Variants in ADGRL2 observed in about 807,000 individuals in gnomAD.
The protein encoded by ADGRL2 is adhesion G protein-coupled receptor L2.
Under a neutral mutation model 157.4 loss-of-function variants are expected in ADGRL2, and 44 were observed. The ratio of observed to expected loss-of-function variants is 0.28; its 90% CI spans 0.22 to 0.36. The LOEUF is 0.36. Ranked by LOEUF, ADGRL2 falls within the 10% of genes least tolerant of loss-of-function variation. ADGRL2 has a pLI of 1.00. For synonymous variants in ADGRL2, 585 were observed against 624.7 expected, an observed-to-expected ratio of 0.94 and a Z score of 0.95; for missense variants, 1,510 against 1,768.9, an observed-to-expected ratio of 0.85 and a Z score of 2.63.
chr1:81,397,045 A>G (rs978553493), intron 1 of ADGRL2, among the ~76,000 whole-genome samples: 4 of 152,202 alleles, frequency 2.6e-5, no homozygotes, highest in Non-Finnish European at 1.5e-5. Context: ...GTTTAAGAAC[A>G]ATTGGTATTC....
At chr1:81,329,641 A>G (rs1661138935) in intron 1 of ADGRL2, among the ~76,000 whole-genome samples, 2 of 152,162 alleles carry the variant, frequency 1.3e-5, no homozygotes, top group Non-Finnish European at 2.9e-5. Flanking sequence ...AGAAAGCTCT[A>G]AATATAAAGT....
chr1:81,820,504 G>A (rs1035732841), intron 1 of ADGRL2, among the ~76,000 whole-genome samples: 2 of 151,840 alleles, frequency 1.3e-5, no homozygotes, highest in East Asian at 1.9e-4. Flanking sequence ...TATTTAAGTG[G>A]CCCTTTTGGT....
chr1:81,502,712 T>A, intron 2 of ADGRL2: 2 of 1,613,524 alleles, frequency 1.2e-6, no homozygotes, highest in Non-Finnish European at 1.7e-6. Context: ...AAGAAAGCCT[T>A]GAGTTCCCCA....
intron 2 of ADGRL2, among the ~76,000 whole-genome samples, chr1:81,458,638 A>C (rs1232798328): frequency 1.3e-5 from 2 of 152,180 alleles, no homozygotes; most frequent in Admixed American, 6.5e-5. Context: ...TCCTCAGCCC[A>C]TGGCTGAACA....
intron 2 of ADGRL2, among the ~76,000 whole-genome samples, chr1:81,534,932 A>G (rs560833452): frequency 6.6e-6 from 1 of 152,288 alleles, no homozygotes; most frequent in African/African-American, 2.4e-5. Flanking sequence ...GAATATTGTG[A>G]TTTTTATTTC....
intron 3 of ADGRL2, among the ~76,000 whole-genome samples, chr1:81,617,708 G>A (rs146974046): frequency 2.6e-5 from 4 of 152,334 alleles, no homozygotes; most frequent in Admixed American, 6.5e-5. Flanking sequence ...GGAAGACAGC[G>A]GAGCTTGGAT....
chr1:81,324,785 C>T (rs953885391), intron 1 of ADGRL2, among the ~76,000 whole-genome samples: 1 of 151,990 alleles, frequency 6.6e-6, no homozygotes, highest in Non-Finnish European at 1.5e-5. Context: ...GTCTCAATCT[C>T]GGCTCACTGC....
At chr1:81,754,608 TTTC>T (rs1483329323) in intron 1 of ADGRL2, among the ~76,000 whole-genome samples, 4 of 149,640 alleles carry the variant, frequency 2.7e-5, no homozygotes, top group African/African-American at 9.8e-5. Flanking sequence ...TCTTTCTCCC[TTTC>T]TTTTCTTTCT....
chr1:81,942,196 T>C (rs1286474579), intron 5 of ADGRL2, among the ~76,000 whole-genome samples, 151 bp downstream of exon 5: 1 of 151,902 alleles, frequency 6.6e-6, no homozygotes, highest in African/African-American at 2.4e-5. Context: ...CTGTTTACAA[T>C]GAAATTGTAT....
At chr1:81,365,992 T>A (rs142913971) in intron 1 of ADGRL2, among the ~76,000 whole-genome samples, 6 of 152,286 alleles carry the variant, frequency 3.9e-5, no homozygotes, top group African/African-American at 1.4e-4. Flanking sequence ...TAATAATAGT[T>A]TATTTCCATT....
chr1:81,906,711 C>T (rs1446306110), intron 2 of ADGRL2, among the ~76,000 whole-genome samples: 1 of 151,906 alleles, frequency 6.6e-6, no homozygotes, highest in Non-Finnish European at 1.5e-5. Context: ...AAACTTGTCA[C>T]CGTTTATAAA....
At chr1:81,932,947 C>A (rs1379726078) in intron 3 of ADGRL2, among the ~76,000 whole-genome samples, 1 of 152,110 alleles carries the variant, frequency 6.6e-6, no homozygotes, top group East Asian at 1.9e-4. Context: ...GGTGATCCAC[C>A]CACCTCGGCC....
intron 2 of ADGRL2, among the ~76,000 whole-genome samples, chr1:81,545,696 CAGG>C (rs2080000041): frequency 1.3e-5 from 2 of 152,268 alleles, no homozygotes; most frequent in Admixed American, 1.3e-4. Flanking sequence ...TTATATAGAA[CAGG>C]AGACCAAGAT....
intron 3 of ADGRL2, among the ~76,000 whole-genome samples, chr1:81,640,874 T>C (rs2082206725): frequency 6.6e-6 from 1 of 152,100 alleles, no homozygotes; most frequent in African/African-American, 2.4e-5. Context: ...GAAAATAAAG[T>C]TTCCTCTGCT....
At chr1:81,379,562 G>C (rs1158253388) in intron 1 of ADGRL2, among the ~76,000 whole-genome samples, 3 of 152,140 alleles carry the variant, frequency 2.0e-5, no homozygotes, top group Non-Finnish European at 2.9e-5. Flanking sequence ...AGCCAAAAGG[G>C]AGATGGTTTT....
In ADGRL2 at chr1:81,984,669, A is replaced by G. The variant is rs1662644824; in HGVS notation, c.3369A>G (p.Ala1123=). The change falls in exon 20 of 24, where the codon GCA becomes GCG. Residue 1123 remains alanine, a synonymous_variant. Transcript: ENST00000686636. Reference sequence around the variant, plus strand: ...AGAGTCCCCACAGTTCAGTGAAGGCATCAACCACCAGAACCAGTGCTCGCT... The same window carrying G: ...AGAGTCCCCACAGTTCAGTGAAGGCGTCAACCACCAGAACCAGTGCTCGCT... ...PTESPHSSVK[A]STTRTSARYS... is the part of the protein sequence containing the mutation. 1 of 1,612,898 alleles carries G rather than the reference A, an allele frequency of 6.2e-7. No individual in the cohort carries two copies. The highest frequency in any genetic ancestry group is 1.3e-5 in the African/African-American group (1 of 74,836).
chr1:81,920,742 C>G (rs149604411), intron 3 of ADGRL2, among the ~76,000 whole-genome samples: 1 of 151,990 alleles, frequency 6.6e-6, no homozygotes, highest in Non-Finnish European at 1.5e-5. Flanking sequence ...AAGAGCACTC[C>G]CAATAAGCCT....
intron 1 of ADGRL2, among the ~76,000 whole-genome samples, chr1:81,750,768 C>A (rs2085465142): frequency 6.6e-6 from 1 of 151,880 alleles, no homozygotes; most frequent in South Asian, 2.1e-4. Flanking sequence ...TACATTGGAC[C>A]CTGTGGTGCT....
chr1:81,736,896 A>G, intron 1 of ADGRL2, among the ~76,000 whole-genome samples: 1 of 152,014 alleles, frequency 6.6e-6, no homozygotes, highest in African/African-American at 2.4e-5. Flanking sequence ...GTGCAGTGCC[A>G]CAGTCTCAGC....
Sources: allele counts gnomAD v4.1 joint callset (sites outside exome capture counted in the v4.1 genomes callset), GRCh38; gene constraint gnomAD v4.1.1; transcripts MANE v1.5; gene names NCBI Gene and HGNC (gene_info 2026-07-23, HGNC 2026-07-21).